The following ENTREP2 variants were observed in gnomAD, a reference collection of about 807,000 sequenced individuals.
ENTREP2 encodes the protein endosomal transmembrane epsin interactor 2.
At chr15:29,192,641 T>C in the ENTREP2 span, among the ~76,000 whole-genome samples, 2 of 152,092 alleles carry the variant, frequency 1.3e-5, no homozygotes, top group African/African-American at 2.4e-5. Context: ...TGAGGTAAGG[T>C]AGCAGAGAGG....
At chr15:29,220,437 C>T in the ENTREP2 span, among the ~76,000 whole-genome samples, 10 of 152,246 alleles carry the variant, frequency 6.6e-5, no homozygotes, top group African/African-American at 1.2e-4. Flanking sequence ...CCTTTATGAC[C>T]GATCAGTATT....
At chr15:29,360,645 C>T in the ENTREP2 span, among the ~76,000 whole-genome samples, 4 of 152,212 alleles carry the variant, frequency 2.6e-5, no homozygotes, top group Non-Finnish European at 5.9e-5. Context: ...CTGCACAGCT[C>T]CTCCCTGGAC....
chr15:29,230,641 A>G, the ENTREP2 span, among the ~76,000 whole-genome samples: 4 of 152,164 alleles, frequency 2.6e-5, no homozygotes, highest in Non-Finnish European at 5.9e-5. Context: ...AAATGAGTAG[A>G]AGTCGCTCAA....
At chr15:29,129,467 G>T in the ENTREP2 span, among the ~76,000 whole-genome samples, 2 of 152,064 alleles carry the variant, frequency 1.3e-5, no homozygotes, top group Non-Finnish European at 2.9e-5. Flanking sequence ...TGTGGCTTTC[G>T]ATTTCTTTTT....
the ENTREP2 span, among the ~76,000 whole-genome samples, chr15:29,339,671 C>T: frequency 6.6e-6 from 1 of 152,272 alleles, no homozygotes; most frequent in African/African-American, 2.4e-5. Context: ...AGATAAATTA[C>T]ATCGTTTGAC....
the ENTREP2 span, among the ~76,000 whole-genome samples, chr15:29,249,043 C>T: frequency 7.2e-5 from 11 of 152,112 alleles, no homozygotes; most frequent in African/African-American, 1.4e-4. Context: ...TGGAACAGGC[C>T]GGGCGTGGTG....
the ENTREP2 span, among the ~76,000 whole-genome samples, chr15:29,212,807 T>G: frequency 2.1e-3 from 326 of 152,386 alleles, 2 homozygotes; most frequent in Non-Finnish European, 3.2e-3. Flanking sequence ...AGATCCCATT[T>G]GTCAGTTTTG....
At chr15:29,641,756 C>T in the ENTREP2 span, among the ~76,000 whole-genome samples, 9 of 148,610 alleles carry the variant, frequency 6.1e-5, no homozygotes, top group African/African-American at 1.3e-4. Flanking sequence ...CTCTTGAACA[C>T]GGGAGGCAGA....
chr15:29,428,277 G>A, the ENTREP2 span, among the ~76,000 whole-genome samples: 5 of 152,148 alleles, frequency 3.3e-5, no homozygotes, highest in African/African-American at 7.2e-5. Context: ...GAAGTGGTTC[G>A]ATCTTGGCTC....
chr15:29,137,344 T>C, the ENTREP2 span: 2 of 744,418 alleles, frequency 2.7e-6, no homozygotes, highest in Non-Finnish European at 4.1e-6. Context: ...CACTTTAAAA[T>C]GAAGGCGCCA....
At chr15:29,360,673 G>A in the ENTREP2 span, among the ~76,000 whole-genome samples, 3 of 152,178 alleles carry the variant, frequency 2.0e-5, no homozygotes, top group African/African-American at 7.2e-5. Context: ...GCTGACCAGA[G>A]TACCTGCTTA....
the ENTREP2 span, among the ~76,000 whole-genome samples, chr15:29,565,771 G>A: frequency 5.2e-3 from 790 of 152,214 alleles, 4 homozygotes; most frequent in African/African-American, 0.018. Flanking sequence ...AGACCATCCT[G>A]GCTAACACGG....
At chr15:29,150,257 G>A in the ENTREP2 span, among the ~76,000 whole-genome samples, 35 of 152,278 alleles carry the variant, frequency 2.3e-4, no homozygotes, top group African/African-American at 6.7e-4. Context: ...TGAGAAGCAC[G>A]GCTCCACGCC....
At chr15:29,200,919 C>G in the ENTREP2 span, among the ~76,000 whole-genome samples, 2 of 152,050 alleles carry the variant, frequency 1.3e-5, no homozygotes, top group East Asian at 3.9e-4. Flanking sequence ...ATTGAATTTT[C>G]CAATTTATTT....
chr15:29,150,829 T>C, the ENTREP2 span, among the ~76,000 whole-genome samples: 1 of 152,166 alleles, frequency 6.6e-6, no homozygotes, highest in South Asian at 2.1e-4. Context: ...ACCAGCTGCC[T>C]TTTCTTGCAT....
At chr15:29,138,568 T>C in the ENTREP2 span, among the ~76,000 whole-genome samples, 14 of 93,616 alleles carry the variant, frequency 1.5e-4, no homozygotes, top group South Asian at 2.5e-3. Context: ...TGTGCATGTG[T>C]ATGTGCATGT....
At chr15:29,207,058 G>T in the ENTREP2 span, among the ~76,000 whole-genome samples, 1 of 152,106 alleles carries the variant, frequency 6.6e-6, no homozygotes, top group South Asian at 2.1e-4. Flanking sequence ...AAAGCTACTC[G>T]CCAAGCAGCT....
At chr15:29,131,629 A>C in the ENTREP2 span, among the ~76,000 whole-genome samples, 1 of 222 alleles carries the variant, frequency 4.5e-3, no homozygotes. Flanking sequence ...AAGCCCCCCC[A>C]TATCACCTCC....
chr15:29,478,766 G>T, the ENTREP2 span, among the ~76,000 whole-genome samples: 1 of 151,242 alleles, frequency 6.6e-6, no homozygotes, highest in Non-Finnish European at 1.5e-5. Flanking sequence ...TTAGCTGGGC[G>T]TGGTGGTGGG....
Sources: gnomAD v4.1 joint callset for allele counts (sites outside exome capture counted in the v4.1 genomes callset) on GRCh38, gnomAD v4.1.1 for gene constraint, MANE v1.5 for transcripts, NCBI Gene and HGNC (gene_info 2026-07-23, HGNC 2026-07-21) for gene names.